The following SLC14A2 variants were observed in gnomAD, a reference collection of about 807,000 sequenced individuals.
SLC14A2 encodes the protein solute carrier family 14 member 2, also known as urea transporter 2.
SLC14A2 carries 91 observed loss-of-function variants against 104.6 expected under a neutral mutation model. The observed-to-expected ratio is 0.87, with a 90% CI of 0.73 to 1.04. The LOEUF (loss-of-function observed/expected upper bound fraction) is 1.04, where lower values mean the gene tolerates loss of function less well. Ranked by LOEUF, SLC14A2 falls within the 50% of genes least tolerant of loss-of-function variation. SLC14A2 has a pLI of 0.00. For missense variants in SLC14A2, 1,189 were observed against 1,156.0 expected, an observed-to-expected ratio of 1.03 and a Z score of -0.41; for synonymous variants, 476 against 466.4, an observed-to-expected ratio of 1.02 and a Z score of -0.27.
intron 10 of SLC14A2, among the ~76,000 whole-genome samples, chr18:45,658,963 G>A (rs2045888691): frequency 1.3e-5 from 2 of 152,152 alleles, no homozygotes; most frequent in Admixed American, 1.3e-4. Flanking sequence ...TTAAAACACA[G>A]GATGATGGCA....
the SLC14A2 span, among the ~76,000 whole-genome samples, chr18:45,193,912 T>A: frequency 2.9e-3 from 447 of 152,298 alleles, 3 homozygotes; most frequent in African/African-American, 0.01. Context: ...TGTTTTTCAA[T>A]GTATAAATCT....
intron 2 of SLC14A2, among the ~76,000 whole-genome samples, chr18:45,491,611 T>G (rs2043001912): frequency 6.6e-6 from 1 of 152,218 alleles, no homozygotes; most frequent in South Asian, 2.1e-4. Flanking sequence ...ATTGAGTGTT[T>G]AATATAGTAA....
At chr18:45,589,845 G>GGAGGGAGGCGCTATT (rs771865634) in intron 2 of SLC14A2, among the ~76,000 whole-genome samples, 55 of 152,334 alleles carry the variant, frequency 3.6e-4, no homozygotes, top group Non-Finnish European at 6.9e-4. Context: ...AGGGAGGGGA[G>GGAGGGAGGCGCTATT]GAGGGAGGCG....
chr18:45,627,469 GAAT>G (rs2045278448), intron 4 of SLC14A2, among the ~76,000 whole-genome samples: 2 of 152,198 alleles, frequency 1.3e-5, no homozygotes, highest in African/African-American at 4.8e-5. Flanking sequence ...GAATGTCTCA[GAAT>G]AATACAGGAC....
chr18:45,233,095 C>T (rs1168817394), intron 1 of SLC14A2, among the ~76,000 whole-genome samples: 1 of 152,142 alleles, frequency 6.6e-6, no homozygotes, highest in Non-Finnish European at 1.5e-5. Flanking sequence ...CCTTTAGTTT[C>T]ACTCTAGGTA....
intron 2 of SLC14A2, among the ~76,000 whole-genome samples, chr18:45,511,018 A>G (rs933099814): frequency 6.6e-6 from 1 of 152,212 alleles, no homozygotes; most frequent in East Asian, 1.9e-4. Context: ...CCAAGAGGTC[A>G]GCCATCCACA....
At chr18:45,427,934 C>T (rs1161517541) in intron 1 of SLC14A2, among the ~76,000 whole-genome samples, 2 of 152,160 alleles carry the variant, frequency 1.3e-5, no homozygotes, top group African/African-American at 2.4e-5. Flanking sequence ...AAATAACTGC[C>T]CTGCCTTTCC....
intron 1 of SLC14A2, among the ~76,000 whole-genome samples, chr18:45,377,876 C>T (rs1460100752): frequency 6.6e-6 from 1 of 152,262 alleles, no homozygotes; most frequent in Non-Finnish European, 1.5e-5. Flanking sequence ...CATCTTCCTG[C>T]TTTACTTGCT....
chr18:45,365,652 C>G (rs574799921), intron 1 of SLC14A2, among the ~76,000 whole-genome samples: 1 of 152,250 alleles, frequency 6.6e-6, no homozygotes, highest in African/African-American at 2.4e-5. Context: ...TCACCTATAC[C>G]TCCCTGCTCG....
chr18:45,564,170 T>C (rs2044238301), intron 2 of SLC14A2, among the ~76,000 whole-genome samples: 1 of 152,214 alleles, frequency 6.6e-6, no homozygotes, highest in South Asian at 2.1e-4. Flanking sequence ...CATATATAAT[T>C]TTATTACTTT....
intron 1 of SLC14A2, among the ~76,000 whole-genome samples, chr18:45,280,893 C>T (rs1005924954): frequency 6.6e-6 from 1 of 152,166 alleles, no homozygotes; most frequent in Non-Finnish European, 1.5e-5. Flanking sequence ...CCCAGCATCG[C>T]TGTGCCTTTA....
At chr18:45,624,948 C>A (rs901053254) in intron 2 of SLC14A2, 134 bp downstream of exon 2, 1 of 854,980 alleles carries the variant, frequency 1.2e-6, no homozygotes, top group Non-Finnish European at 1.8e-6. Flanking sequence ...CATGGTGACA[C>A]CCATGGTGGG....
the SLC14A2 span, among the ~76,000 whole-genome samples, chr18:45,185,664 A>T: frequency 5.3e-5 from 8 of 152,326 alleles, no homozygotes; most frequent in Admixed American, 5.2e-4. Flanking sequence ...CAAGAAAGAA[A>T]TTCATCAAAT....
rs531274662 is a variant in SLC14A2 at position 45,421,187 on chromosome 18, G to T, written c.-124-62046G>T. Among the ~76,000 whole-genome samples, 7 of 151,168 alleles carry T rather than the reference G, an allele frequency of 4.6e-5. No homozygotes were observed. The East Asian group carries it at 1.2e-3, about 25-fold the overall frequency. The stretch of plus-strand genomic sequence containing the variant: ...AAAATGTATTTTATGAGCTATCTAC[G>T]TGCAGAATTTTATTATTTTTAACTA... On this transcript the variant is annotated intron_variant, in intron 1 of 20. Transcript: ENST00000586448.
the SLC14A2 span, among the ~76,000 whole-genome samples, chr18:45,207,685 T>C: frequency 1.3e-5 from 2 of 152,118 alleles, no homozygotes; most frequent in Non-Finnish European, 1.5e-5. Flanking sequence ...CCGAATGTAA[T>C]GTGAAGAGAG....
At chr18:45,316,862 A>T (rs991866698) in intron 1 of SLC14A2, among the ~76,000 whole-genome samples, 2 of 152,150 alleles carry the variant, frequency 1.3e-5, no homozygotes, top group African/African-American at 4.8e-5. Flanking sequence ...GCCAACACTA[A>T]TCTCTGTGCT....
intron 1 of SLC14A2, among the ~76,000 whole-genome samples, chr18:45,334,966 A>C (rs893074220): frequency 5.3e-5 from 8 of 152,244 alleles, no homozygotes; most frequent in Admixed American, 3.3e-4. Flanking sequence ...GTGCTCCCAC[A>C]AGAATTTTGG....
chr18:45,207,447 G>A, the SLC14A2 span, among the ~76,000 whole-genome samples: 1 of 151,834 alleles, frequency 6.6e-6, no homozygotes, highest in Non-Finnish European at 1.5e-5. Context: ...AGAAAGCGTA[G>A]GGGATGGAAG....
At chr18:45,565,992 A>G (rs2543022) in intron 2 of SLC14A2, among the ~76,000 whole-genome samples, 4,294 of 152,304 alleles carry the variant, frequency 0.028, 200 homozygotes, top group African/African-American at 0.098. Context: ...TTTTGTTTCA[A>G]TGGCAGAGTA....
Sources: allele counts gnomAD v4.1 joint callset (sites outside exome capture counted in the v4.1 genomes callset), GRCh38; gene constraint gnomAD v4.1.1; transcripts MANE v1.5; gene names NCBI Gene and HGNC (gene_info 2026-07-23, HGNC 2026-07-21).